The following ZFAT variants were observed in gnomAD, a reference collection of about 807,000 sequenced individuals.
ZFAT encodes zinc finger and AT-hook domain containing.
ZFAT carries 64 observed loss-of-function variants against 117.7 expected under a neutral mutation model. That is an observed-to-expected ratio of 0.54 (90% CI 0.44 to 0.67). The LOEUF (loss-of-function observed/expected upper bound fraction) is 0.67. ZFAT is among the 30% of genes least tolerant of loss of function. The pLI is 0.00. For missense variants in ZFAT, 1,433 were observed against 1,584.5 expected, an observed-to-expected ratio of 0.90 and a Z score of 1.62; for synonymous variants, 679 against 615.0, an observed-to-expected ratio of 1.10 and a Z score of -1.54.
chr8:134,779,360 A>T, the ZFAT span, among the ~76,000 whole-genome samples: 1 of 151,798 alleles, frequency 6.6e-6, no homozygotes, highest in Non-Finnish European at 1.5e-5. Context: ...AAATGTTGCA[A>T]AACTGCCAAA....
intron 1 of ZFAT, among the ~76,000 whole-genome samples, chr8:134,665,775 T>C (rs1832186328): frequency 6.6e-6 from 1 of 152,030 alleles, no homozygotes; most frequent in Admixed American, 6.6e-5. Flanking sequence ...GGGATGAATA[T>C]CACCTTCACA....
At chr8:134,747,443 C>A in the ZFAT span, among the ~76,000 whole-genome samples, 2 of 151,888 alleles carry the variant, frequency 1.3e-5, no homozygotes, top group Non-Finnish European at 2.9e-5. Flanking sequence ...TTTCTGAAAT[C>A]TTATATAGAT....
chr8:134,721,858 A>T, the ZFAT span, among the ~76,000 whole-genome samples: 1 of 152,204 alleles, frequency 6.6e-6, no homozygotes, highest in Non-Finnish European at 1.5e-5. Flanking sequence ...CCAGCAGATG[A>T]CCTCAGCCCT....
chr8:134,830,337 T>G, the ZFAT span, among the ~76,000 whole-genome samples: 3 of 152,214 alleles, frequency 2.0e-5, no homozygotes, highest in Non-Finnish European at 4.4e-5. Flanking sequence ...AGCACAAAAG[T>G]AGCTGCACAG....
At chr8:134,677,265 A>G (rs1832850704) in intron 1 of ZFAT, among the ~76,000 whole-genome samples, 1 of 152,220 alleles carries the variant, frequency 6.6e-6, no homozygotes. Flanking sequence ...AGGGGCCATC[A>G]CTACCAATCC....
chr8:134,799,770 C>T, the ZFAT span, among the ~76,000 whole-genome samples: 2 of 152,060 alleles, frequency 1.3e-5, no homozygotes, highest in Admixed American at 6.6e-5. Context: ...AAAGCATTTC[C>T]ATTAAACCAA....
At chr8:134,754,453 A>T in the ZFAT span, among the ~76,000 whole-genome samples, 2 of 152,248 alleles carry the variant, frequency 1.3e-5, no homozygotes, top group Non-Finnish European at 2.9e-5. Flanking sequence ...TCCAGTCAGT[A>T]TACAGCATGG....
intron 15 of ZFAT, among the ~76,000 whole-genome samples, chr8:134,491,213 C>T (rs1818034362): frequency 6.6e-6 from 1 of 152,174 alleles, no homozygotes; most frequent in South Asian, 2.1e-4. Context: ...TCTAGAAATA[C>T]AACTTCTGTT....
At position 134,549,654 on chromosome 8, in the gene ZFAT, C is replaced by CCAAGA. The variant is rs531537111; in HGVS notation, c.2976+15674_2976+15678dup. On this transcript the variant is annotated intron_variant, in intron 11 of 15. Coordinates refer to ENST00000377838, the MANE Select transcript of ZFAT (RefSeq NM_020863.4). ...AAAAATGCATATTCATAACAAAGGA[C>CCAAGA]CAAGACTGTAAATTACAAGATACAT... 5.3e-5 allele frequency among the ~76,000 whole-genome samples: 8 copies of CCAAGA among 152,264 alleles called. No individual in the cohort carries two copies. The South Asian group carries it at 1.7e-3, about 32-fold the overall frequency.
chr8:134,530,756 T>C (rs189498144), intron 12 of ZFAT, among the ~76,000 whole-genome samples: 11 of 151,208 alleles, frequency 7.3e-5, no homozygotes, highest in Non-Finnish European at 1.2e-4. Context: ...GAAAAATAAA[T>C]AAAAAATAAC....
At chr8:134,603,335 G>A (rs965842105) in intron 5 of ZFAT, among the ~76,000 whole-genome samples, 1 of 152,124 alleles carries the variant, frequency 6.6e-6, no homozygotes, top group African/African-American at 2.4e-5. Context: ...GGAAGGACAG[G>A]TGTGCCATCC....
At chr8:134,827,970 C>T in the ZFAT span, among the ~76,000 whole-genome samples, 1 of 152,076 alleles carries the variant, frequency 6.6e-6, no homozygotes, top group African/African-American at 2.4e-5. Flanking sequence ...CTAATCATTA[C>T]CACTAGCCTC....
At chr8:134,492,303 T>C (rs1407599831) in intron 15 of ZFAT, among the ~76,000 whole-genome samples, 1 of 152,222 alleles carries the variant, frequency 6.6e-6, no homozygotes, top group African/African-American at 2.4e-5. Flanking sequence ...GTTTCTCAGA[T>C]GCTTCCATAC....
At chr8:134,491,266 C>G (rs1166655551) in intron 15 of ZFAT, among the ~76,000 whole-genome samples, 2 of 152,220 alleles carry the variant, frequency 1.3e-5, no homozygotes, top group Non-Finnish European at 2.9e-5. Context: ...TACGAAAGCC[C>G]TCCGGCATCA....
At chr8:134,567,210 C>A (rs1177881974) in intron 10 of ZFAT, among the ~76,000 whole-genome samples, 1 of 152,306 alleles carries the variant, frequency 6.6e-6, no homozygotes, top group Middle Eastern at 3.4e-3. Flanking sequence ...CCAGCCTTCC[C>A]AGTTTATCAT....
chr8:134,728,038 G>A, the ZFAT span, among the ~76,000 whole-genome samples: 1 of 152,218 alleles, frequency 6.6e-6, no homozygotes, highest in Non-Finnish European at 1.5e-5. Context: ...GGTACAATGT[G>A]AGTAATGAGC....
chr8:134,800,127 G>A, the ZFAT span, among the ~76,000 whole-genome samples: 14 of 152,106 alleles, frequency 9.2e-5, no homozygotes, highest in East Asian at 5.8e-4. Context: ...CTACAAACCC[G>A]ACCCCAACTA....
intron 10 of ZFAT, among the ~76,000 whole-genome samples, chr8:134,572,887 T>A (rs1825028421): frequency 6.6e-6 from 1 of 152,250 alleles, no homozygotes; most frequent in Admixed American, 6.5e-5. Context: ...TATGAAATTC[T>A]TTATTTGACC....
At chr8:134,689,718 T>C (rs556291622) in intron 1 of ZFAT, among the ~76,000 whole-genome samples, 28 of 151,506 alleles carry the variant, frequency 1.8e-4, no homozygotes, top group South Asian at 1.7e-3. Context: ...TAAAAGGTAC[T>C]AGGCACTATT....
Sources: gnomAD v4.1 joint callset for allele counts (sites outside exome capture counted in the v4.1 genomes callset) on GRCh38, gnomAD v4.1.1 for gene constraint, MANE v1.5 for transcripts, NCBI Gene and HGNC (gene_info 2026-07-23, HGNC 2026-07-21) for gene names.